The following CNR2 variants were observed in gnomAD, a reference collection of about 807,000 sequenced individuals.
CNR2 encodes the protein cannabinoid receptor 2 (macrophage).
For synonymous variants in CNR2, 172 were observed against 182.2 expected (o/e 0.94, Z 0.45); for missense variants, 379 against 439.9 (o/e 0.86, Z 1.24).
At chr1:23,894,160 C>CAT (rs1640237076) in intron 1 of CNR2, among the ~76,000 whole-genome samples, 2 of 150,010 alleles carry the variant, frequency 1.3e-5, no homozygotes, top group South Asian at 4.2e-4. Context: ...GTGGCTCATG[C>CAT]CTGTAATCCC....
chr1:23,908,813 C>G (rs900097036), intron 1 of CNR2, among the ~76,000 whole-genome samples: 4 of 152,102 alleles, frequency 2.6e-5, no homozygotes, highest in African/African-American at 9.7e-5. Flanking sequence ...ACACAGAGGA[C>G]GAACTCAATG....
chr1:23,903,595 C>T (rs1191509495), intron 1 of CNR2, among the ~76,000 whole-genome samples: 1 of 127,194 alleles, frequency 7.9e-6, no homozygotes, highest in Non-Finnish European at 1.7e-5. Context: ...AAAAAAAAAG[C>T]ATTTCTTTTT....
chr1:23,874,466 ACC>A lies in CNR2; in HGVS notation c.*67_*68del. 1 of 1,500,322 alleles carries A rather than the reference ACC, an allele frequency of 6.7e-7. No homozygotes were observed. Among genetic ancestry groups the A allele is most frequent in the Non-Finnish European group, 9.0e-7 (1 of 1,111,476 alleles). 92.9% of individuals were successfully genotyped at this position (1,500,322 alleles called of 1,614,324 possible). A position where few individuals can be genotyped will look rare whatever the true frequency, so the allele number is the denominator to read the frequency against. On this transcript the variant is annotated 3_prime_UTR_variant, in exon 2 of 2. Coordinates refer to ENST00000374472, the MANE Select transcript of CNR2 (RefSeq NM_001841.3). Reference sequence around the variant, plus strand: ...GTTTAAGTAAGAAGAGAGTGCCAAGACCCCTCTCTCTCTTCCAGGGAGTGAAC... The same window carrying A: ...GTTTAAGTAAGAAGAGAGTGCCAAGACCTCTCTCTCTTCCAGGGAGTGAAC...
At chr1:23,881,114 A>G (rs1229559463) in intron 1 of CNR2, among the ~76,000 whole-genome samples, 5 of 150,880 alleles carry the variant, frequency 3.3e-5, no homozygotes, top group Non-Finnish European at 7.4e-5. Context: ...CATCTCTACT[A>G]AAAATACAAA....
chr1:23,872,577 C>T lies in CNR2; in HGVS notation c.*1958G>A, dbSNP rs190250958. On this transcript the variant is annotated 3_prime_UTR_variant, in exon 2 of 2. Transcript: ENST00000374472. ...TAAGAGGGCAGGCTTTGAAGTCAAA[C>T]AGAACTAGGTTGGAGACCTCAGCTC... The T allele has an allele frequency of 1.3e-5, 2 of 152,210 alleles. No individual in the cohort carries two copies. The highest frequency in any genetic ancestry group is 3.9e-4 in the East Asian group (2 of 5,184). 9.4% of individuals were successfully genotyped at this position (152,210 alleles called of 1,614,324 possible). A position where few individuals can be genotyped will look rare whatever the true frequency, so the allele number is the denominator to read the frequency against.
At chr1:23,891,275 TTGTGTGTGTGTG>T (rs57856234) in intron 1 of CNR2, among the ~76,000 whole-genome samples, 14 of 150,314 alleles carry the variant, frequency 9.3e-5, no homozygotes, top group East Asian at 3.9e-4. Flanking sequence ...ACCAAATCTT[TTGTGTGTGTGTG>T]TGTGTGTGTG....
In CNR2 at chr1:23,872,120, G is replaced by A. The variant is rs1302761229; in HGVS notation, c.*2415C>T. On this transcript the variant is annotated 3_prime_UTR_variant, in exon 2 of 2. Transcript: ENST00000374472. ...TGCACTCCTGCCTGGACAACAGAATGAGATTCCGTCTCAAAAAAAAAAAAA... is the reference window on the plus strand; with the variant it reads ...TGCACTCCTGCCTGGACAACAGAATAAGATTCCGTCTCAAAAAAAAAAAAA... 1.1e-5 allele frequency: 1 copy of A among 92,228 alleles called. No individual in the cohort carries two copies. The highest frequency in any genetic ancestry group is 1.9e-5 in the Non-Finnish European group (1 of 52,478). The allele number at this position is 92,228 out of a possible 1,614,324, so 5.7% of individuals were successfully genotyped here.
At chr1:23,898,953 C>T (rs984701633) in intron 1 of CNR2, among the ~76,000 whole-genome samples, 8 of 151,944 alleles carry the variant, frequency 5.3e-5, no homozygotes, top group East Asian at 1.9e-4. Flanking sequence ...ACACCTGGCC[C>T]GTACTATATA....
At chr1:23,885,554 G>T (rs4501783) in intron 1 of CNR2, among the ~76,000 whole-genome samples, 109,181 of 152,050 alleles carry the variant, frequency 0.72, 40,038 homozygotes, top group Non-Finnish European at 0.76. Context: ...TTCAAATGGG[G>T]TTAGTTCACC....
intron 1 of CNR2, chr1:23,902,516 T>A: frequency 6.2e-7 from 1 of 1,608,556 alleles, no homozygotes; most frequent in African/African-American, 1.3e-5. Flanking sequence ...CGTACTTTAA[T>A]AGGATCAGAA....
At chr1:23,902,623 G>A (rs1640419532) in intron 1 of CNR2, 41 of 1,600,230 alleles carry the variant, frequency 2.6e-5, no homozygotes, top group Admixed American at 6.7e-5. Context: ...CAGACAGCCA[G>A]GACGTACTTG....
Position 23,874,772 on chromosome 1 carries a change from A to T in CNR2, c.846T>A (p.Ala282=), listed in dbSNP as rs2502993. The change falls in exon 2 of 2, where the codon GCT becomes GCA. Residue 282 remains alanine, a synonymous_variant. Transcript: ENST00000374472. ...TLSDQVKKAF[A]FCSMLCLINS... Reference sequence around the variant, plus strand: ...TGATGAGGCACAGCATGGAGCAGAAAGCAAAGGCCTTCTTGACCTGGTCAC... The same window carrying T: ...TGATGAGGCACAGCATGGAGCAGAATGCAAAGGCCTTCTTGACCTGGTCAC... 1 of 1,613,938 alleles carries T rather than the reference A, an allele frequency of 6.2e-7. No homozygotes were observed. Among genetic ancestry groups the T allele is most frequent in the African/African-American group, 1.3e-5 (1 of 75,000 alleles).
In CNR2 at chr1:23,875,022, G is replaced by C. The variant is rs747466044; in HGVS notation, c.596C>G (p.Ala199Gly). Residue 199 changes from alanine to glycine, a missense_variant, in exon 2 of 2, where the codon GCC becomes GGC. Physicochemically the swap from Ala to Gly is moderately conservative, Grantham distance 60 (BLOSUM62 0). Transcript: ENST00000374472. ...DYLLSWLLFI[A>G]FLFSGIIYTY... is the part of the protein sequence containing the mutation. Reference sequence around the variant, plus strand: ...GTAGATGATTCCGGAAAAGAGGAAGGCGATGAACAGGAGCCAGCTCAGCAG... The same window carrying C: ...GTAGATGATTCCGGAAAAGAGGAAGCCGATGAACAGGAGCCAGCTCAGCAG... 2 of 1,608,998 alleles carry C rather than the reference G, an allele frequency of 1.2e-6. No homozygotes were observed. Among genetic ancestry groups the C allele is most frequent in the Non-Finnish European group, 1.7e-6 (2 of 1,177,602 alleles).
chr1:23,888,924 G>A (rs1330502281), intron 1 of CNR2, among the ~76,000 whole-genome samples: 3 of 152,070 alleles, frequency 2.0e-5, no homozygotes, highest in Non-Finnish European at 4.4e-5. Context: ...AGCTGAGATT[G>A]CGCCACTGCA....
intron 1 of CNR2, chr1:23,902,425 A>G (rs543752815): frequency 2.5e-6 from 4 of 1,589,508 alleles, no homozygotes; most frequent in African/African-American, 2.7e-5. Context: ...GCTTTTGCCA[A>G]TGCTGGGACG....
rs900921582 is a variant in CNR2, at chr1:23,878,569, G to C, written c.-45-2907C>G. On this transcript the variant is annotated intron_variant, in intron 1 of 1. Transcript: ENST00000374472. ...TAATTTTTGTATTTTTAGTAGAAAAGGGGTTTTCCATGTTGGCCAGGCTGG... is the reference window on the plus strand; with the variant it reads ...TAATTTTTGTATTTTTAGTAGAAAACGGGTTTTCCATGTTGGCCAGGCTGG... Among the ~76,000 whole-genome samples, 7 of 152,028 alleles carry C rather than the reference G, an allele frequency of 4.6e-5. No individual in the cohort carries two copies. In the East Asian group the frequency reaches 1.4e-3, roughly 29 times the overall value.
chr1:23,902,823 G>T (rs931107052), intron 1 of CNR2: 5 of 1,303,948 alleles, frequency 3.8e-6, no homozygotes, highest in Admixed American at 8.2e-5. Context: ...TGCAGGCTGC[G>T]CTGCCCGGCC....
At chr1:23,899,182 C>T (rs997581841) in intron 1 of CNR2, among the ~76,000 whole-genome samples, 2 of 152,096 alleles carry the variant, frequency 1.3e-5, no homozygotes, top group South Asian at 4.1e-4. Flanking sequence ...ACCAGAGGCT[C>T]AGCTAGACTG....
chr1:23,899,505 T>G (rs1178080552), intron 1 of CNR2, among the ~76,000 whole-genome samples: 1 of 151,778 alleles, frequency 6.6e-6, no homozygotes, highest in East Asian at 2.0e-4. Flanking sequence ...GGACTAATAT[T>G]AGGCACAAGA....
Sources: allele counts gnomAD v4.1 joint callset (sites outside exome capture counted in the v4.1 genomes callset), GRCh38; gene constraint gnomAD v4.1.1; transcripts MANE v1.5; gene names NCBI Gene and HGNC (gene_info 2026-07-23, HGNC 2026-07-21).